FTO: variants seen among roughly 807,000 people sequenced by gnomAD.
FTO encodes FTO alpha-ketoglutarate dependent dioxygenase, also known as alpha-ketoglutarate-dependent dioxygenase FTO.
A neutral mutation model predicts 63.9 loss-of-function variants in FTO; 47 were observed. The observed-to-expected ratio is 0.74, with a 90% CI of 0.58 to 0.94. The LOEUF (loss-of-function observed/expected upper bound fraction) is 0.94, where lower values mean the gene tolerates loss of function less well. Among genes scored for constraint, FTO ranks in the 40% least tolerant of loss-of-function variants. FTO has a pLI of 0.00. For synonymous variants in FTO, 207 were observed against 224.4 expected, an observed-to-expected ratio of 0.92 and a Z score of 0.69; for missense variants, 562 against 618.1, an observed-to-expected ratio of 0.91 and a Z score of 0.96.
intron 8 of FTO, among the ~76,000 whole-genome samples, chr16:53,966,585 C>G (rs1221884781): frequency 1.3e-5 from 2 of 152,170 alleles, no homozygotes; most frequent in African/African-American, 4.8e-5. Flanking sequence ...TTCTCAAGAT[C>G]TTTTGTTGAT....
In FTO at chr16:53,845,601, T is replaced by G. The variant is rs1208076420; in HGVS notation, c.895+1303T>G. On this transcript the variant is annotated intron_variant, in intron 4 of 8. Transcript: ENST00000471389. ...TAAAAGGAGATTTTACATCACTATC[T>G]TAAATGGGAATCCAGTATCACTAGG... 2.0e-5 allele frequency among the ~76,000 whole-genome samples: 3 copies of G among 152,216 alleles called. No individual in the cohort carries two copies. In the East Asian group the frequency reaches 5.8e-4, roughly 29 times the overall value.
chr16:53,968,294 A>G (rs1336395053), intron 8 of FTO, among the ~76,000 whole-genome samples: 1 of 152,222 alleles, frequency 6.6e-6, no homozygotes, highest in Non-Finnish European at 1.5e-5. Context: ...GTGCAGAAGC[A>G]GAAAAGCCTA....
At chr16:53,940,492 T>G (rs1294138399) in intron 8 of FTO, among the ~76,000 whole-genome samples, 3 of 152,216 alleles carry the variant, frequency 2.0e-5, no homozygotes, top group Non-Finnish European at 4.4e-5. Flanking sequence ...TATTTTTTTC[T>G]AGAGATTACC....
chr16:54,086,325 A>G (rs568683901), intron 8 of FTO, among the ~76,000 whole-genome samples: 1 of 152,240 alleles, frequency 6.6e-6, no homozygotes, highest in Admixed American at 6.5e-5. Context: ...TATAATCAGC[A>G]TACTTGCTGG....
chr16:53,918,339 A>C (rs2081931840), intron 7 of FTO, among the ~76,000 whole-genome samples: 1 of 152,196 alleles, frequency 6.6e-6, no homozygotes, highest in Non-Finnish European at 1.5e-5. Context: ...CCTGTACAGC[A>C]TGTTACTGTA....
intron 8 of FTO, among the ~76,000 whole-genome samples, chr16:53,985,402 G>A (rs1358940916): frequency 6.6e-6 from 1 of 152,182 alleles, no homozygotes; most frequent in Non-Finnish European, 1.5e-5. Context: ...AGATCCAGAG[G>A]CAGGGAATTT....
intron 2 of FTO, among the ~76,000 whole-genome samples, chr16:53,815,763 C>T (rs1598735125): frequency 6.6e-6 from 1 of 151,040 alleles, no homozygotes; most frequent in Non-Finnish European, 1.5e-5. Context: ...ATTCTCCTGC[C>T]TCAGCCTCCC....
At chr16:54,087,343 A>G (rs1412413556) in intron 8 of FTO, among the ~76,000 whole-genome samples, 2 of 152,254 alleles carry the variant, frequency 1.3e-5, no homozygotes, top group Non-Finnish European at 2.9e-5. Context: ...AAATAAGTAT[A>G]GTAAATGGTC....
intron 8 of FTO, among the ~76,000 whole-genome samples, chr16:54,091,846 ATCTGT>A (rs2086391670): frequency 6.6e-6 from 1 of 152,222 alleles, no homozygotes; most frequent in African/African-American, 2.4e-5. Context: ...CACTGTTTGC[ATCTGT>A]AAGGTAGGGA....
At chr16:53,717,477 G>A (rs540346058) in intron 1 of FTO, among the ~76,000 whole-genome samples, 5 of 151,838 alleles carry the variant, frequency 3.3e-5, no homozygotes, top group African/African-American at 4.8e-5. Context: ...TAACGTGTTC[G>A]TCTTTTCTTA....
intron 8 of FTO, among the ~76,000 whole-genome samples, chr16:54,092,225 G>T (rs2086403223): frequency 6.6e-6 from 1 of 152,210 alleles, no homozygotes; most frequent in Non-Finnish European, 1.5e-5. Context: ...CAAGTCTGCA[G>T]TGCACCATGA....
chr16:53,858,469 T>G (rs1161952619), intron 4 of FTO, among the ~76,000 whole-genome samples: 1 of 152,074 alleles, frequency 6.6e-6, no homozygotes, highest in African/African-American at 2.4e-5. Context: ...CAAAATAAAA[T>G]TTTTCCATGG....
chr16:53,898,634 G>A (rs1028336029), intron 7 of FTO, among the ~76,000 whole-genome samples: 1 of 152,188 alleles, frequency 6.6e-6, no homozygotes, highest in Non-Finnish European at 1.5e-5. Flanking sequence ...TTCACGTGAG[G>A]TCTGTGTTCT....
rs114097061 is a variant in FTO, at chr16:53,818,039, T to A, written c.123+7822T>A. 2.6e-3 allele frequency among the ~76,000 whole-genome samples: 391 copies of A among 152,320 alleles called. 4 individuals carry two copies. Among genetic ancestry groups the A allele is most frequent in the African/African-American group, 8.3e-3 (346 of 41,572 alleles). ...ACATATTTGAAAATCTGCCAACAGC[T>A]GTTCCAAATTATTGTGTGATATCTG... On this transcript the variant is annotated intron_variant, in intron 2 of 8. Transcript: ENST00000471389.
At chr16:53,776,272 T>C (rs915931158) in intron 1 of FTO, among the ~76,000 whole-genome samples, 1 of 152,154 alleles carries the variant, frequency 6.6e-6, no homozygotes, top group Non-Finnish European at 1.5e-5. Context: ...GAAATAGCAA[T>C]GGAATTTGTC....
chr16:54,107,196 G>A (rs2086775450), intron 8 of FTO, among the ~76,000 whole-genome samples: 1 of 151,670 alleles, frequency 6.6e-6, no homozygotes, highest in Non-Finnish European at 1.5e-5. Context: ...CATGAAAGGG[G>A]CAGTATTTTC....
intron 1 of FTO, among the ~76,000 whole-genome samples, chr16:53,772,520 G>A (rs922645675): frequency 6.6e-6 from 1 of 151,926 alleles, no homozygotes; most frequent in Non-Finnish European, 1.5e-5. Flanking sequence ...TTTCTTGTTT[G>A]TTTTTTATCT....
chr16:53,989,824 C>CCCT (rs2083759864), intron 8 of FTO, among the ~76,000 whole-genome samples: 1 of 151,654 alleles, frequency 6.6e-6, no homozygotes, highest in African/African-American at 2.4e-5. Context: ...CAAGACCCAC[C>CCCT]CCTCCACTCC....
intron 8 of FTO, among the ~76,000 whole-genome samples, chr16:54,095,059 G>T (rs947290358): frequency 6.6e-6 from 1 of 152,060 alleles, no homozygotes; most frequent in Non-Finnish European, 1.5e-5. Flanking sequence ...CCCTGGGCAT[G>T]CCTAACTCTT....
Sources: gnomAD v4.1 joint callset for allele counts (sites outside exome capture counted in the v4.1 genomes callset) on GRCh38, gnomAD v4.1.1 for gene constraint, MANE v1.5 for transcripts, NCBI Gene and HGNC (gene_info 2026-07-23, HGNC 2026-07-21) for gene names.